Variants in QTMAN observed in about 807,000 individuals in gnomAD.
The protein encoded by QTMAN is tRNA-queuosine alpha-mannosyltransferase.
chr2:144,107,439 C>T, the QTMAN span, among the ~76,000 whole-genome samples: 1 of 152,162 alleles, frequency 6.6e-6, no homozygotes, highest in South Asian at 2.1e-4. Context: ...ACCGATCCCA[C>T]AGAAATACAA....
chr2:144,133,282 T>A, the QTMAN span, among the ~76,000 whole-genome samples: 3 of 67,176 alleles, frequency 4.5e-5, no homozygotes, highest in South Asian at 3.5e-4. Flanking sequence ...TATTTATATA[T>A]ACATATATAA....
chr2:144,060,354 T>C, the QTMAN span, among the ~76,000 whole-genome samples: 3 of 151,842 alleles, frequency 2.0e-5, no homozygotes, highest in Non-Finnish European at 2.9e-5. Context: ...TCCGCCTCCC[T>C]GGTTCAAGCG....
chr2:144,017,289 C>T, the QTMAN span, among the ~76,000 whole-genome samples: 1 of 152,076 alleles, frequency 6.6e-6, no homozygotes, highest in African/African-American at 2.4e-5. Context: ...AGGTGTGAGC[C>T]ACTGTGCCTG....
chr2:144,285,956 CCTTT>C, the QTMAN span, among the ~76,000 whole-genome samples: 3 of 152,154 alleles, frequency 2.0e-5, no homozygotes, highest in East Asian at 1.9e-4. Flanking sequence ...ATTTAGCAGG[CCTTT>C]CTATCAAGTA....
At chr2:144,159,754 A>G in the QTMAN span, among the ~76,000 whole-genome samples, 9 of 152,110 alleles carry the variant, frequency 5.9e-5, no homozygotes, top group African/African-American at 1.9e-4. Flanking sequence ...GCTTACAGAA[A>G]TAAAAGTGGT....
chr2:144,225,908 T>C, the QTMAN span, among the ~76,000 whole-genome samples: 15 of 152,170 alleles, frequency 9.9e-5, no homozygotes, highest in Non-Finnish European at 1.8e-4. Context: ...GCAGCAAAGT[T>C]TATGTACAAT....
At chr2:144,301,081 A>G in the QTMAN span, among the ~76,000 whole-genome samples, 1 of 152,244 alleles carries the variant, frequency 6.6e-6, no homozygotes, top group Non-Finnish European at 1.5e-5. Flanking sequence ...CCAATGTTTT[A>G]ATCTTTATTT....
chr2:143,980,943 T>C, the QTMAN span, among the ~76,000 whole-genome samples: 26 of 152,194 alleles, frequency 1.7e-4, no homozygotes, highest in Non-Finnish European at 3.2e-4. Flanking sequence ...TCTGTGCTGT[T>C]TGCAACCCCA....
chr2:144,077,963 T>C, the QTMAN span, among the ~76,000 whole-genome samples: 1 of 152,078 alleles, frequency 6.6e-6, no homozygotes, highest in African/African-American at 2.4e-5. Context: ...ATCTAAAAAA[T>C]TTTTAAAGTC....
At chr2:143,994,613 T>C in the QTMAN span, among the ~76,000 whole-genome samples, 3 of 152,166 alleles carry the variant, frequency 2.0e-5, no homozygotes, top group Admixed American at 6.5e-5. Context: ...TCAAAAACAC[T>C]ATTCTAAGTG....
the QTMAN span, chr2:144,295,294 T>C: frequency 2.0e-5 from 3 of 152,192 alleles, no homozygotes; most frequent in Non-Finnish European, 4.4e-5. Context: ...GCAGGTTCTT[T>C]TCTGATGCTC....
the QTMAN span, among the ~76,000 whole-genome samples, chr2:144,158,558 T>C: frequency 1.3e-5 from 2 of 151,878 alleles, no homozygotes; most frequent in African/African-American, 4.8e-5. Context: ...TATTCCTAGG[T>C]AGTTCGCTGT....
At chr2:144,281,556 T>A in the QTMAN span, among the ~76,000 whole-genome samples, 330 of 152,206 alleles carry the variant, frequency 2.2e-3, 1 homozygote, top group African/African-American at 7.5e-3. Flanking sequence ...AAAATTCATA[T>A]GTTGAAGCCC....
chr2:144,233,196 AAAT>A, the QTMAN span, among the ~76,000 whole-genome samples: 1 of 152,166 alleles, frequency 6.6e-6, no homozygotes, highest in Admixed American at 6.6e-5. Context: ...GTTTCCATTC[AAAT>A]AATAAATTCT....
At chr2:143,995,235 C>A in the QTMAN span, among the ~76,000 whole-genome samples, 1 of 152,076 alleles carries the variant, frequency 6.6e-6, no homozygotes, top group Non-Finnish European at 1.5e-5. Context: ...TAGTTTAATT[C>A]CATTTTTCTG....
At chr2:143,980,128 T>TC in the QTMAN span, among the ~76,000 whole-genome samples, 1 of 152,164 alleles carries the variant, frequency 6.6e-6, no homozygotes, top group Admixed American at 6.5e-5. Flanking sequence ...GATCATCCCA[T>TC]CACCTAGGTA....
At chr2:144,153,885 C>T in the QTMAN span, among the ~76,000 whole-genome samples, 5 of 152,090 alleles carry the variant, frequency 3.3e-5, no homozygotes, top group Admixed American at 6.5e-5. Context: ...CTAAGAGATA[C>T]GACTTATTAT....
the QTMAN span, among the ~76,000 whole-genome samples, chr2:144,299,450 G>T: frequency 6.6e-6 from 1 of 152,122 alleles, no homozygotes; most frequent in Non-Finnish European, 1.5e-5. Flanking sequence ...TCTGTTATCC[G>T]AGGAACTCTA....
the QTMAN span, among the ~76,000 whole-genome samples, chr2:144,222,364 T>C: frequency 6.6e-6 from 1 of 151,004 alleles, no homozygotes; most frequent in African/African-American, 2.4e-5. Context: ...CAACCTAAAC[T>C]CAAAGTTTTA....
Sources: gnomAD v4.1 joint callset for allele counts (sites outside exome capture counted in the v4.1 genomes callset) on GRCh38, gnomAD v4.1.1 for gene constraint, MANE v1.5 for transcripts, NCBI Gene and HGNC (gene_info 2026-07-23, HGNC 2026-07-21) for gene names.